Variants in MRGPRX3 observed in about 807,000 individuals in gnomAD.
MRGPRX3 encodes mas-related G protein-coupled receptor member X3.
MRGPRX3 carries 14 observed loss-of-function variants against 16.5 expected under a neutral mutation model. That is an observed-to-expected ratio of 0.85 (90% CI 0.56 to 1.33). MRGPRX3 has a LOEUF of 1.33. MRGPRX3 is among the 40% of genes most tolerant of loss of function. MRGPRX3 has a pLI of 0.00. For missense variants in MRGPRX3, 449 were observed against 413.0 expected, an observed-to-expected ratio of 1.09 and a Z score of -0.76; for synonymous variants, 199 against 180.1, an observed-to-expected ratio of 1.10 and a Z score of -0.84.
chr11:18,137,173 T>G lies in MRGPRX3; in HGVS notation c.-25-5T>G. 1 of 1,555,616 alleles carries G rather than the reference T, an allele frequency of 6.4e-7. No homozygotes were observed. Among genetic ancestry groups the G allele is most frequent in the Non-Finnish European group, 8.7e-7 (1 of 1,149,224 alleles). ...CTGGTGATCACATCTGGTTTCTGTT[T>G]CCAGGGTCATCAGACTGGGGTTTCT... On this transcript the variant is annotated splice_polypyrimidine_tract_variant and splice_region_variant and intron_variant, in intron 1 of 1. Coordinates refer to ENST00000621697, the MANE Select transcript of MRGPRX3 (RefSeq NM_001370464.1).
chr11:18,131,976 G>A (rs1848964820), upstream of MRGPRX3, among the ~76,000 whole-genome samples: 1 of 152,026 alleles, frequency 6.6e-6, no homozygotes, highest in African/African-American at 2.4e-5. Flanking sequence ...CAGGTGATGG[G>A]TGCACCAAAA....
intron 1 of MRGPRX3, among the ~76,000 whole-genome samples, chr11:18,121,870 C>A (rs1307894715): frequency 7.2e-5 from 11 of 152,208 alleles, no homozygotes; most frequent in Non-Finnish European, 1.5e-4. Context: ...TGCGGAAGGC[C>A]TCAGGGTCCT....
In MRGPRX3 at chr11:18,137,560, C is replaced by T. The variant is rs757689536; in HGVS notation, c.358C>T (p.Arg120Cys). 1.4e-5 allele frequency: 23 copies of T among 1,614,038 alleles called. No individual in the cohort carries two copies. The African/African-American group carries it at 1.7e-4, about 12-fold the overall frequency. Residue 120 changes from arginine (R) to cysteine (C), a missense_variant, in exon 2 of 2, where the codon CGC (arginine) becomes TGC (cysteine). Coordinates refer to ENST00000621697, the MANE Select transcript of MRGPRX3 (RefSeq NM_001370464.1). ...LSMLSAISTERCLSILWPIWY... is the reference protein window; with the variant it reads ...LSMLSAISTECCLSILWPIWY... ...CATGCTGAGCGCCATCAGCACCGAG[C>T]GCTGCCTGTCCATCCTGTGGCCCAT...
At chr11:18,132,020 G>A (rs1848965194), upstream of MRGPRX3, among the ~76,000 whole-genome samples, 1 of 152,056 alleles carries the variant, frequency 6.6e-6, no homozygotes, top group Non-Finnish European at 1.5e-5. Context: ...CTTATCCATG[G>A]AAGCAAACAC....
intron 1 of MRGPRX3, among the ~76,000 whole-genome samples, chr11:18,126,614 G>A (rs529619872): frequency 3.3e-5 from 5 of 152,086 alleles, no homozygotes; most frequent in African/African-American, 1.2e-4. Context: ...TTAGCATTAG[G>A]TATATCTCCT....
At chr11:18,131,063 C>A (rs1213350666), upstream of MRGPRX3, among the ~76,000 whole-genome samples, 1 of 152,114 alleles carries the variant, frequency 6.6e-6, no homozygotes, top group African/African-American at 2.4e-5. Context: ...AAATCTGAGA[C>A]CTAAAACCAT....
chr11:18,125,139 GC>G (rs1848879801), intron 1 of MRGPRX3, among the ~76,000 whole-genome samples: 1 of 151,634 alleles, frequency 6.6e-6, no homozygotes, highest in African/African-American at 2.4e-5. Flanking sequence ...CAAAAAAACA[GC>G]TCCTGGATTC....
chr11:18,135,198 A>G (rs761684035), intron 1 of MRGPRX3, among the ~76,000 whole-genome samples: 2 of 152,198 alleles, frequency 1.3e-5, no homozygotes, highest in Non-Finnish European at 2.9e-5. Flanking sequence ...GACAGTCTTT[A>G]AAGAACATCA....
At chr11:18,135,185 A>G (rs1848997608) in intron 1 of MRGPRX3, among the ~76,000 whole-genome samples, 1 of 152,188 alleles carries the variant, frequency 6.6e-6, no homozygotes, top group African/African-American at 2.4e-5. Context: ...GGATAATACC[A>G]TAGACAGTCT....
intron 1 of MRGPRX3, chr11:18,121,307 C>A (rs745484248): frequency 6.2e-6 from 1 of 162,238 alleles, no homozygotes; most frequent in Non-Finnish European, 1.3e-5. Context: ...GCCCGGCAGC[C>A]GCCCTGTCCG....
intron 1 of MRGPRX3, among the ~76,000 whole-genome samples, chr11:18,121,789 C>G (rs369527763): frequency 6.6e-5 from 10 of 151,858 alleles, no homozygotes; most frequent in Non-Finnish European, 1.2e-4. Flanking sequence ...GTTAAACAGA[C>G]GCTTGAAGGC....
upstream of MRGPRX3, among the ~76,000 whole-genome samples, chr11:18,128,044 C>A (rs572894680): frequency 1.3e-5 from 2 of 152,174 alleles, no homozygotes; most frequent in East Asian, 3.9e-4. Context: ...CACTCCAGAC[C>A]CTGTTTGCCT....
intron 1 of MRGPRX3, among the ~76,000 whole-genome samples, chr11:18,135,611 C>T (rs577111473): frequency 1.3e-5 from 2 of 152,310 alleles, no homozygotes; most frequent in East Asian, 3.9e-4. Flanking sequence ...ACGCACTCAC[C>T]TCTATTTTTC....
At chr11:18,125,832 T>C (rs1848889470) in intron 1 of MRGPRX3, among the ~76,000 whole-genome samples, 1 of 152,342 alleles carries the variant, frequency 6.6e-6, no homozygotes, top group Non-Finnish European at 1.5e-5. Context: ...TAAGTCTCTT[T>C]GTAGGTCTCT....
rs552690370 is a variant in MRGPRX3 at position 18,124,071 on chromosome 11, G to C, written c.-152+2907G>C. Reference sequence around the variant, plus strand: ...GAGACTTTGCTGAATTTGCTTATCAGCTTAAGGAGATTTTGGGCTGAGACG... The same window carrying C: ...GAGACTTTGCTGAATTTGCTTATCACCTTAAGGAGATTTTGGGCTGAGACG... On this transcript the variant is annotated intron_variant, in intron 1 of 2. Transcript: ENST00000396275. Among the ~76,000 whole-genome samples the C allele has an allele frequency of 2.0e-5, 3 of 152,190 alleles. No homozygotes were observed. In the South Asian group the frequency reaches 6.2e-4, roughly 32 times the overall value.
At chr11:18,121,328 G>C (rs1848833007) in intron 1 of MRGPRX3, among the ~76,000 whole-genome samples, 1 of 151,416 alleles carries the variant, frequency 6.6e-6, no homozygotes, top group African/African-American at 2.4e-5. Context: ...GGAGGGAGGT[G>C]GGGGTCAGCC....
At chr11:18,131,815 C>T (rs1848962862), upstream of MRGPRX3, among the ~76,000 whole-genome samples, 1 of 152,034 alleles carries the variant, frequency 6.6e-6, no homozygotes, top group South Asian at 2.1e-4. Context: ...GAATGGAAAA[C>T]CAAACATCAT....
intron 1 of MRGPRX3, among the ~76,000 whole-genome samples, chr11:18,123,101 G>A (rs1325388783): frequency 1.3e-5 from 2 of 152,190 alleles, no homozygotes; most frequent in African/African-American, 4.8e-5. Flanking sequence ...TTTGTCAGAT[G>A]AGTAGATTGC....
chr11:18,134,615 C>T (rs553121148), intron 1 of MRGPRX3, among the ~76,000 whole-genome samples: 4 of 152,292 alleles, frequency 2.6e-5, no homozygotes, highest in Admixed American at 6.5e-5. Context: ...TGACACTCTT[C>T]GAGATCTGAA....
Sources: gnomAD v4.1 joint callset for allele counts (sites outside exome capture counted in the v4.1 genomes callset) on GRCh38, gnomAD v4.1.1 for gene constraint, MANE v1.5 for transcripts, NCBI Gene and HGNC (gene_info 2026-07-23, HGNC 2026-07-21) for gene names.